Variants in ASAP3 observed in about 807,000 individuals in gnomAD.
ASAP3 encodes the protein arf-GAP with SH3 domain, ANK repeat and PH domain-containing protein 3.
Under a neutral mutation model 118.2 loss-of-function variants are expected in ASAP3, and 85 were observed. The observed-to-expected ratio is 0.72, with a 90% CI of 0.60 to 0.86. The LOEUF (loss-of-function observed/expected upper bound fraction) is 0.86. Ranked by LOEUF, ASAP3 falls within the 40% of genes least tolerant of loss-of-function variation. The pLI is 0.00. For synonymous variants in ASAP3, 432 were observed against 477.4 expected (o/e 0.90, Z 1.24); for missense variants, 1,026 against 1,175.0 (o/e 0.87, Z 1.85).
At chr1:23,440,023 C>T (rs1241632818) in intron 10 of ASAP3, among the ~76,000 whole-genome samples, 2 of 151,480 alleles carry the variant, frequency 1.3e-5, no homozygotes, top group African/African-American at 2.4e-5. Flanking sequence ...ACTATGTTGG[C>T]TGGGCTGGTC....
Position 23,484,099 on chromosome 1 carries a change from G to T in ASAP3, c.35C>A (p.Ala12Asp). The T allele has an allele frequency of 7.5e-7, 1 of 1,341,594 alleles. No individual in the cohort carries two copies. Among genetic ancestry groups the T allele is most frequent in the Non-Finnish European group, 9.5e-7 (1 of 1,049,654 alleles). 83.1% of individuals were successfully genotyped at this position (1,341,594 alleles called of 1,614,324 possible). A position where few individuals can be genotyped will look rare whatever the true frequency, so the allele number is the denominator to read the frequency against. The stretch of plus-strand genomic sequence containing the variant: ...GGAGCTGAGGTCCTCCGCGGTGACG[G>T]CCAGGAACTCGGCGACGCTGAACTG... ...PEQFSVAEFL[A>D]VTAEDLSSPA... The change falls in exon 1 of 25, where the codon GCC becomes GAC. Residue 12 changes from alanine (A) to aspartate (D), a missense_variant. Ala to Asp is a moderately radical substitution (Grantham distance 126). Transcript: ENST00000336689.
At chr1:23,452,543 G>A (rs562114774) in intron 4 of ASAP3, among the ~76,000 whole-genome samples, 154 bp downstream of exon 4, 3 of 152,174 alleles carry the variant, frequency 2.0e-5, no homozygotes, top group East Asian at 3.9e-4. Flanking sequence ...AGGCTGACCC[G>A]AGCCAGGTCC....
chr1:23,437,561 AC>A lies in ASAP3; in HGVS notation c.1103-90del, dbSNP rs1640723397. The A allele has an allele frequency of 6.6e-7, 1 of 1,508,004 alleles. No homozygotes were observed. Among genetic ancestry groups the A allele is most frequent in the African/African-American group, 1.4e-5 (1 of 72,400 alleles). 93.4% of individuals were successfully genotyped at this position (1,508,004 alleles called of 1,614,324 possible). A position where few individuals can be genotyped will look rare whatever the true frequency, so the allele number is the denominator to read the frequency against. ...AGCCCCCACCAAAGCCGCTGGGGCC[AC>A]ATGGAGATGTGTCCCTGACAAGTCG... On this transcript the variant is annotated intron_variant, in intron 12 of 24. Transcript: ENST00000336689. This position sits in a 1 kb window ranked among gnomAD's most constrained non-coding sequence, Gnocchi z 6.1.
intron 10 of ASAP3, among the ~76,000 whole-genome samples, 181 bp from the exon 11 acceptor site, chr1:23,439,411 G>A (rs1472333933): frequency 2.0e-5 from 3 of 152,078 alleles, no homozygotes; most frequent in Non-Finnish European, 2.9e-5. Flanking sequence ...TTCTGATGGA[G>A]GAGACACAGT....
chr1:23,448,285 C>A (rs1028773547), intron 5 of ASAP3, among the ~76,000 whole-genome samples: 4 of 152,164 alleles, frequency 2.6e-5, no homozygotes, highest in Non-Finnish European at 5.9e-5. Context: ...ACCTTGAAAC[C>A]TTGAGCCACG....
intron 1 of ASAP3, among the ~76,000 whole-genome samples, chr1:23,469,929 T>TAAGGATTG (rs1641906130): frequency 6.6e-6 from 1 of 152,184 alleles, no homozygotes; most frequent in African/African-American, 2.4e-5. Flanking sequence ...GTTATCTCTG[T>TAAGGATTG]AAGGATTGCT....
chr1:23,439,225 C>T lies in ASAP3; in HGVS notation c.950G>A (p.Arg317Gln), dbSNP rs1240975876. 2 of 1,613,978 alleles carry T rather than the reference C, an allele frequency of 1.2e-6. No individual in the cohort carries two copies. The highest frequency in any genetic ancestry group is 1.7e-6 in the Non-Finnish European group (2 of 1,179,964). Residue 317 changes from arginine to glutamine, a missense_variant, in exon 11 of 25, where the codon CGA (arginine) becomes CAA (glutamine). Transcript: ENST00000336689. ...ACACTTCCTTTTCTGCCAGACTCTT[C>T]GAATTCTAAAGCCCAGAGGGATAGA... is the stretch of plus-strand genomic sequence containing the variant. ...GFLYKKSDGI[R>Q]RVWQKRKCGV...
In ASAP3 at chr1:23,455,947, C is replaced by T. The variant is rs745916763; in HGVS notation, c.282G>A (p.Glu94=). 19 of 1,614,054 alleles carry T rather than the reference C, an allele frequency of 1.2e-5. No homozygotes were observed. The East Asian group carries it at 4.2e-4, about 36-fold the overall frequency. The change falls in exon 3 of 25, where the codon GAG becomes GAA. Residue 94 remains glutamate (E), a synonymous_variant. Coordinates refer to ENST00000336689, the MANE Select transcript of ASAP3 (RefSeq NM_017707.4). The part of the protein sequence containing the change: ...GNSHLSQNSH[E]LSTGFLNLAV... ...CCAAGTTTAGGAAGCCTGTGGACAG[C>T]TCATGGCTGTTCTGGGACAGGTGGC...
intron 1 of ASAP3, among the ~76,000 whole-genome samples, chr1:23,469,440 G>A (rs1054648159): frequency 1.3e-5 from 2 of 152,170 alleles, no homozygotes; most frequent in Non-Finnish European, 2.9e-5. Flanking sequence ...GTTCTGAACA[G>A]GGCAGTTACT....
At chr1:23,457,701 C>T (rs952561975) in intron 1 of ASAP3, among the ~76,000 whole-genome samples, 7 of 152,092 alleles carry the variant, frequency 4.6e-5, no homozygotes, top group Non-Finnish European at 7.4e-5. Context: ...TTAGTAGAGA[C>T]GGGGTTTCAT....
At chr1:23,463,274 T>G (rs768623822) in intron 1 of ASAP3, among the ~76,000 whole-genome samples, 66 of 152,094 alleles carry the variant, frequency 4.3e-4, no homozygotes, top group Non-Finnish European at 8.4e-4. Flanking sequence ...TACTCCTTTC[T>G]CAAGAAAATA....
intron 1 of ASAP3, among the ~76,000 whole-genome samples, chr1:23,466,862 CATT>C (rs907432216): frequency 1.3e-5 from 2 of 151,760 alleles, no homozygotes; most frequent in Admixed American, 6.6e-5. Flanking sequence ...CCATTACAGC[CATT>C]ATTATTATTA....
intron 1 of ASAP3, 148 bp from the exon 2 acceptor site, chr1:23,456,342 G>A: frequency 2.8e-6 from 2 of 723,348 alleles, no homozygotes; most frequent in Non-Finnish European, 4.5e-6. Flanking sequence ...TATCCCTAGG[G>A]TCTTCCTGTT....
At chr1:23,446,740 A>G (rs941918730) in intron 5 of ASAP3, among the ~76,000 whole-genome samples, 5 of 152,100 alleles carry the variant, frequency 3.3e-5, no homozygotes, top group Admixed American at 2.6e-4. Context: ...GCCCAGCCCA[A>G]TTTGTAAGTT....
chr1:23,446,858 C>A (rs1169490643), intron 5 of ASAP3, among the ~76,000 whole-genome samples: 1 of 152,072 alleles, frequency 6.6e-6, no homozygotes, highest in East Asian at 1.9e-4. Flanking sequence ...ACTGTCTATC[C>A]AGCAGTCTCC....
intron 5 of ASAP3, among the ~76,000 whole-genome samples, chr1:23,450,840 G>A (rs1181265716): frequency 6.6e-5 from 10 of 152,182 alleles, no homozygotes; most frequent in Non-Finnish European, 1.5e-4. Context: ...CTGGGATCTG[G>A]ACAGACTCCT....
At chr1:23,475,832 G>C (rs1426019343) in intron 1 of ASAP3, among the ~76,000 whole-genome samples, 3 of 152,162 alleles carry the variant, frequency 2.0e-5, no homozygotes, top group East Asian at 3.8e-4. Context: ...AATTAGCATG[G>C]ATGTGGTGGC....
chr1:23,469,141 C>CA (rs1641881817), intron 1 of ASAP3, among the ~76,000 whole-genome samples: 1 of 151,678 alleles, frequency 6.6e-6, no homozygotes, highest in Admixed American at 6.6e-5. Context: ...CCTGTCTCTA[C>CA]AAAAAATACA....
chr1:23,452,089 C>T (rs956517535), intron 4 of ASAP3, among the ~76,000 whole-genome samples: 1 of 152,220 alleles, frequency 6.6e-6, no homozygotes, highest in Non-Finnish European at 1.5e-5. Flanking sequence ...CTGCTCACAC[C>T]CTTCTGAACA....
Sources: allele counts gnomAD v4.1 joint callset (sites outside exome capture counted in the v4.1 genomes callset), GRCh38; gene constraint gnomAD v4.1.1; non-coding constraint Gnocchi (gnomAD v3.1); transcripts MANE v1.5; gene names NCBI Gene and HGNC (gene_info 2026-07-23, HGNC 2026-07-21).